CDH4: variants seen among roughly 807,000 people sequenced by gnomAD.
CDH4 encodes cadherin-4.
Under a neutral mutation model 86.0 loss-of-function variants are expected in CDH4, and 33 were observed. That is an observed-to-expected ratio of 0.38 (90% CI 0.29 to 0.51). The LOEUF is 0.51. CDH4 is among the 20% of genes least tolerant of loss of function. The pLI is 0.86. For synonymous variants in CDH4, 555 were observed against 549.4 expected (o/e 1.01, Z -0.14); for missense variants, 1,114 against 1,307.4 (o/e 0.85, Z 2.28).
At position 61,516,557 on chromosome 20, in the gene CDH4, G is replaced by GC. The variant is rs2085822623; in HGVS notation, c.170-227000dup. ...TGGAAACTACATCTGCCTCAGACCT[G>GC]CCCCCCTGAGTCACAGCATCACAGA... On this transcript the variant is annotated intron_variant, in intron 2 of 15. Transcript: ENST00000614565. The surrounding 1 kb of genome is among the most constrained non-coding windows in gnomAD (Gnocchi z 4.0). 6.6e-6 allele frequency among the ~76,000 whole-genome samples: 1 copy of GC among 152,238 alleles called. No homozygotes were observed. The highest frequency in any genetic ancestry group is 2.4e-5 in the African/African-American group (1 of 41,536).
At chr20:61,628,276 G>A (rs771598565) in intron 2 of CDH4, among the ~76,000 whole-genome samples, 24 of 152,172 alleles carry the variant, frequency 1.6e-4, no homozygotes, top group Non-Finnish European at 7.4e-5. Flanking sequence ...GCCGCCTGCC[G>A]TGCCACGGTT....
At chr20:61,653,790 G>A (rs1277306741) in intron 2 of CDH4, among the ~76,000 whole-genome samples, 1 of 109,048 alleles carries the variant, frequency 9.2e-6, no homozygotes, top group South Asian at 2.8e-4. Context: ...GACGATGGGC[G>A]GCCGGGCAGA....
chr20:61,699,739 C>T (rs1275463983), intron 2 of CDH4, among the ~76,000 whole-genome samples: 1 of 143,574 alleles, frequency 7.0e-6, no homozygotes, highest in African/African-American at 2.4e-5. Flanking sequence ...TGAGCGGGAG[C>T]AGGCCTGCTG....
intron 6 of CDH4, among the ~76,000 whole-genome samples, chr20:61,853,110 G>A (rs531284198): frequency 2.6e-4 from 39 of 152,306 alleles, no homozygotes; most frequent in East Asian, 1.4e-3. Flanking sequence ...GGTGAGAAGC[G>A]ATTGCAGCCA....
chr20:61,510,282 G>C lies in CDH4; in HGVS notation c.170-233281G>C, dbSNP rs574597278. On this transcript the variant is annotated intron_variant, in intron 2 of 15. Transcript: ENST00000614565. The surrounding 1 kb of genome is among the most constrained non-coding windows in gnomAD (Gnocchi z 4.2). The stretch of plus-strand genomic sequence containing the variant: ...TACTTGGTGTGTGCTTTGTGTTTTG[G>C]GGGGGCCAGGAACGTGCATTCAGGG... Among the ~76,000 whole-genome samples, 4 of 152,148 alleles carry C rather than the reference G, an allele frequency of 2.6e-5. No homozygotes were observed. The highest frequency in any genetic ancestry group is 1.9e-4 in the East Asian group (1 of 5,186).
At chr20:61,274,248 C>CTGT (rs1323859726) in intron 2 of CDH4, among the ~76,000 whole-genome samples, 1 of 116,304 alleles carries the variant, frequency 8.6e-6, no homozygotes, top group African/African-American at 3.5e-5. Flanking sequence ...GTACCATGTA[C>CTGT]AGTTTGGGGG....
chr20:61,444,409 G>A (rs1225412469), intron 2 of CDH4, among the ~76,000 whole-genome samples: 1 of 144,544 alleles, frequency 6.9e-6, no homozygotes, highest in Non-Finnish European at 1.5e-5. Context: ...GTATTTGTGT[G>A]TATCTGTATA....
chr20:61,366,598 G>A (rs1160495815), intron 2 of CDH4, among the ~76,000 whole-genome samples: 4 of 152,218 alleles, frequency 2.6e-5, no homozygotes, highest in Admixed American at 2.0e-4. Flanking sequence ...TATGGGAAAC[G>A]AAGGGATTGG....
At chr20:61,379,187 GA>G (rs1189532763) in intron 2 of CDH4, among the ~76,000 whole-genome samples, 4 of 152,110 alleles carry the variant, frequency 2.6e-5, no homozygotes, top group African/African-American at 9.7e-5. Flanking sequence ...ACCAGGGTGT[GA>G]AAACATAATC....
intron 4 of CDH4, among the ~76,000 whole-genome samples, chr20:61,791,184 G>A (rs1000376943): frequency 4.6e-5 from 7 of 152,362 alleles, no homozygotes; most frequent in African/African-American, 1.7e-4. Flanking sequence ...CGAGGATAAA[G>A]GTAATAAGTT....
intron 2 of CDH4, among the ~76,000 whole-genome samples, chr20:61,485,681 T>C (rs1407810258): frequency 2.0e-5 from 3 of 152,054 alleles, no homozygotes; most frequent in Admixed American, 1.3e-4. Context: ...CTCCTGACTC[T>C]TGTGCAGAAC....
Position 61,846,135 on chromosome 20 carries a change from C to T in CDH4, c.732+1312C>T, listed in dbSNP as rs140861662. ...GAAGCAGGGTCGGAGCTGGATGGAT[C>T]CTGGGGAGCCCACTTGGGAGGTGGC... On this transcript the variant is annotated intron_variant, in intron 5 of 15. Coordinates refer to ENST00000614565, the MANE Select transcript of CDH4 (RefSeq NM_001794.5). Among the ~76,000 whole-genome samples the T allele has an allele frequency of 5.0e-3, 767 of 152,340 alleles. 5 individuals carry two copies. The highest frequency in any genetic ancestry group is 0.02 in the Middle Eastern group (6 of 294).
In CDH4 at chr20:61,934,241, G is replaced by C. The variant is rs771654140; in HGVS notation, c.2544+21G>C. 1.5e-5 allele frequency: 22 copies of C among 1,513,852 alleles called. No individual in the cohort carries two copies. In the African/African-American group the frequency reaches 3.0e-4, roughly 20 times the overall value. The allele number at this position is 1,513,852 out of a possible 1,614,324, so 93.8% of individuals were successfully genotyped here. On this transcript the variant is annotated intron_variant, in intron 15 of 15. Transcript: ENST00000614565. Reference sequence around the variant, plus strand: ...ATGAGGTGTGTGCCTCTCGGCAGTGGGGGGCCCGGGCAAGGTGTCTCCTCT... The same window carrying C: ...ATGAGGTGTGTGCCTCTCGGCAGTGCGGGGCCCGGGCAAGGTGTCTCCTCT...
intron 8 of CDH4, among the ~76,000 whole-genome samples, chr20:61,895,621 G>C (rs1985068386): frequency 6.6e-6 from 1 of 152,230 alleles, no homozygotes; most frequent in Non-Finnish European, 1.5e-5. Context: ...AGGGCTGTAA[G>C]GCATGCAGCC....
At chr20:61,647,610 G>C (rs1212600674) in intron 2 of CDH4, among the ~76,000 whole-genome samples, 2 of 138,086 alleles carry the variant, frequency 1.4e-5, no homozygotes, top group Admixed American at 1.5e-4. Flanking sequence ...AAGGTGTCAA[G>C]GGGCTTTAGG....
chr20:61,455,738 C>T (rs1198024250), intron 2 of CDH4, among the ~76,000 whole-genome samples: 2 of 152,156 alleles, frequency 1.3e-5, no homozygotes, highest in Admixed American at 6.5e-5. Flanking sequence ...TTCCAAACTG[C>T]CCCATGGGGT....
chr20:61,474,084 ACTT>A (rs1353603396), intron 2 of CDH4, among the ~76,000 whole-genome samples: 2 of 151,056 alleles, frequency 1.3e-5, no homozygotes, highest in Non-Finnish European at 2.9e-5. Context: ...ATGAGTTTAA[ACTT>A]CTTCCACTCT....
chr20:61,541,077 G>C (rs142274757), intron 2 of CDH4, among the ~76,000 whole-genome samples: 1 of 152,154 alleles, frequency 6.6e-6, no homozygotes, highest in Non-Finnish European at 1.5e-5. Flanking sequence ...CATTTTACCC[G>C]TGTGCTCGGA....
chr20:61,456,509 C>T (rs899707722), intron 2 of CDH4, among the ~76,000 whole-genome samples: 1 of 152,200 alleles, frequency 6.6e-6, no homozygotes, highest in African/African-American at 2.4e-5. Context: ...AGGGGTGCTG[C>T]TATACATCTC....
Sources: gnomAD v4.1 joint callset for allele counts (sites outside exome capture counted in the v4.1 genomes callset) on GRCh38, gnomAD v4.1.1 for gene constraint, Gnocchi (gnomAD v3.1) non-coding constraint, MANE v1.5 for transcripts, NCBI Gene and HGNC (gene_info 2026-07-23, HGNC 2026-07-21) for gene names.